Variants in NUP93 observed in about 807,000 individuals in gnomAD.
NUP93 encodes nucleoporin 93.
A neutral mutation model predicts 107.8 loss-of-function variants in NUP93; 55 were observed. That is an observed-to-expected ratio of 0.51 (90% CI 0.41 to 0.64). The LOEUF is 0.64. Among genes scored for constraint, NUP93 ranks in the 30% least tolerant of loss-of-function variants. The pLI, the probability that NUP93 is intolerant of heterozygous loss-of-function variation, is 0.00. For synonymous variants in NUP93, 390 were observed against 397.5 expected (o/e 0.98, Z 0.22); for missense variants, 937 against 1,044.7 (o/e 0.90, Z 1.42).
chr16:56,752,564 A>T (rs1596770449), intron 2 of NUP93, among the ~76,000 whole-genome samples: 1 of 152,322 alleles, frequency 6.6e-6, no homozygotes, highest in South Asian at 2.1e-4. Context: ...TAATAGTAAG[A>T]TACTAATACT....
chr16:56,839,918 G>C (rs536904934), intron 20 of NUP93: 48 of 333,256 alleles, frequency 1.4e-4, no homozygotes, highest in African/African-American at 9.9e-4. Flanking sequence ...TTGTGCTAGA[G>C]GGTATTTTAG....
intron 5 of NUP93, among the ~76,000 whole-genome samples, chr16:56,816,314 T>C (rs1383117690): frequency 6.6e-6 from 1 of 152,232 alleles, no homozygotes; most frequent in Non-Finnish European, 1.5e-5. Context: ...CAGGTAGGAA[T>C]GCTTTCAGCT....
chr16:56,753,491 T>G (rs868307957), intron 2 of NUP93, among the ~76,000 whole-genome samples: 3 of 152,324 alleles, frequency 2.0e-5, no homozygotes, highest in Middle Eastern at 3.4e-3. Flanking sequence ...GTGTAGTCAA[T>G]GGATCAACAG....
intron 3 of NUP93, among the ~76,000 whole-genome samples, chr16:56,787,152 A>G (rs1017003966): frequency 2.0e-5 from 3 of 152,246 alleles, no homozygotes; most frequent in African/African-American, 7.2e-5. Flanking sequence ...GTGAAATTAC[A>G]AAAGGGAAGG....
In NUP93 at chr16:56,836,611, T is replaced by G; in HGVS notation, c.1793T>G (p.Ile598Arg). 1 of 1,607,570 alleles carries G rather than the reference T, an allele frequency of 6.2e-7. No individual in the cohort carries two copies. Among genetic ancestry groups the G allele is most frequent in the Non-Finnish European group, 8.5e-7 (1 of 1,174,152 alleles). Residue 598 changes from isoleucine to arginine, a missense_variant, in exon 17 of 22, where the codon ATA becomes AGA. Coordinates refer to ENST00000308159, the MANE Select transcript of NUP93 (RefSeq NM_014669.5). ...AATTTGTCTTGTCAGCCTGGAGTCA[T>G]AGATAAGTTTACTAGTGACACAAAG... Reference protein sequence around the residue: ...ENDGSRKPGVIDKFTSDTKPI... With the variant: ...ENDGSRKPGVRDKFTSDTKPI...
intron 7 of NUP93, 109 bp downstream of exon 7, chr16:56,821,702 A>G: frequency 1.5e-6 from 1 of 660,380 alleles, no homozygotes; most frequent in Admixed American, 2.5e-5. Flanking sequence ...ATTCTGTGGA[A>G]TGAAATGTTA....
At chr16:56,801,886 G>A (rs1963028237) in intron 4 of NUP93, among the ~76,000 whole-genome samples, 1 of 152,152 alleles carries the variant, frequency 6.6e-6, no homozygotes, top group African/African-American at 2.4e-5. Context: ...ACAGGGAATG[G>A]TTAATTCCCA....
intron 1 of NUP93, among the ~76,000 whole-genome samples, chr16:56,731,689 G>A (rs1341321976): frequency 2.0e-5 from 3 of 152,140 alleles, no homozygotes; most frequent in Non-Finnish European, 2.9e-5. Context: ...GGAATTACAG[G>A]TGTGGGCCAC....
chr16:56,744,913 G>C (rs1961796725), intron 1 of NUP93, among the ~76,000 whole-genome samples: 1 of 152,128 alleles, frequency 6.6e-6, no homozygotes, highest in Non-Finnish European at 1.5e-5. Context: ...AGGAGTGCAG[G>C]AAGCCTTTGA....
chr16:56,770,927 C>G (rs1388852864), intron 3 of NUP93, among the ~76,000 whole-genome samples: 1 of 151,520 alleles, frequency 6.6e-6, no homozygotes, highest in Non-Finnish European at 1.5e-5. Context: ...AAGAAAAAAA[C>G]ACGTGACCCT....
At chr16:56,816,933 C>T (rs182566024) in intron 5 of NUP93, among the ~76,000 whole-genome samples, 2 of 152,182 alleles carry the variant, frequency 1.3e-5, no homozygotes, top group Non-Finnish European at 2.9e-5. Context: ...TACATTTATT[C>T]GGTTGGTGCA....
chr16:56,761,957 A>C (rs1438848644), intron 3 of NUP93, among the ~76,000 whole-genome samples: 2 of 152,218 alleles, frequency 1.3e-5, no homozygotes, highest in Non-Finnish European at 2.9e-5. Context: ...ACTTAAATAT[A>C]TGTAGGGATG....
intron 17 of NUP93, among the ~76,000 whole-genome samples, chr16:56,836,967 A>G (rs1963924487): frequency 6.6e-6 from 1 of 152,220 alleles, no homozygotes; most frequent in African/African-American, 2.4e-5. Flanking sequence ...CTGTTGTCTC[A>G]CTTGGCAGCA....
intron 13 of NUP93, 62 bp downstream of exon 13, chr16:56,833,468 G>T (rs1423561774): frequency 2.0e-4 from 273 of 1,369,162 alleles, no homozygotes; most frequent in Non-Finnish European, 6.7e-6. Context: ...TGGGGCGACG[G>T]TGGCCACAAA....
chr16:56,734,762 T>C (rs766298189), intron 1 of NUP93, among the ~76,000 whole-genome samples: 1 of 152,072 alleles, frequency 6.6e-6, no homozygotes, highest in Non-Finnish European at 1.5e-5. Flanking sequence ...AGAAAAGAAG[T>C]CAAGGACAAT....
intron 3 of NUP93, among the ~76,000 whole-genome samples, chr16:56,785,310 G>A (rs1276389941): frequency 6.6e-6 from 1 of 152,086 alleles, no homozygotes; most frequent in Non-Finnish European, 1.5e-5. Context: ...ATAAGGCTAG[G>A]TGTTAAGTAC....
Position 56,849,266 on chromosome 16 carries a change from C to T in NUP93, c.*4657C>T, listed in dbSNP as rs1964150217. The T allele has an allele frequency of 6.6e-6, 1 of 152,218 alleles. No individual in the cohort carries two copies. Among genetic ancestry groups the T allele is most frequent in the East Asian group, 1.9e-4 (1 of 5,198 alleles). The allele number at this position is 152,218 out of a possible 1,614,324, so 9.4% of individuals were successfully genotyped here. A position where few individuals can be genotyped will look rare whatever the true frequency, so the allele number is the denominator to read the frequency against. Reference sequence around the variant, plus strand: ...AAAGACAGAAACTTGCAGAGCTGCACAGCAGCAGGGAAACATTGAGAAGGG... The same window carrying T: ...AAAGACAGAAACTTGCAGAGCTGCATAGCAGCAGGGAAACATTGAGAAGGG... On this transcript the variant is annotated 3_prime_UTR_variant, in exon 22 of 22. Transcript: ENST00000308159.
rs1245307062 is a variant in NUP93 at position 56,808,708 on chromosome 16, CAT to C, written c.489+3082_489+3083del. 1.7e-3 allele frequency among the ~76,000 whole-genome samples: 114 copies of C among 67,844 alleles called. 4 individuals are homozygous for C. In the East Asian group the frequency reaches 0.05, roughly 30 times the overall value. 44.5% of individuals were successfully genotyped at this position (67,844 alleles called of 152,430 possible). A position where few individuals can be genotyped will look rare whatever the true frequency, so the allele number is the denominator to read the frequency against. ...ATATATTTATAAATATATAAAAATA[CAT>C]ATATAAATATATATAAATACATATA... On this transcript the variant is annotated intron_variant, in intron 5 of 21. Transcript: ENST00000308159.
chr16:56,836,799 G>A, intron 17 of NUP93, 82 bp downstream of exon 17: 1 of 860,404 alleles, frequency 1.2e-6, no homozygotes, highest in Non-Finnish European at 1.9e-6. Context: ...CTTGGACAGT[G>A]TCATTGTTGT....
Sources: gnomAD v4.1 joint callset for allele counts (sites outside exome capture counted in the v4.1 genomes callset) on GRCh38, gnomAD v4.1.1 for gene constraint, MANE v1.5 for transcripts, NCBI Gene and HGNC (gene_info 2026-07-23, HGNC 2026-07-21) for gene names.